The following CTNND1 variants were observed in gnomAD, a reference collection of about 807,000 sequenced individuals.
CTNND1 encodes catenin delta 1.
A neutral mutation model predicts 112.1 loss-of-function variants in CTNND1; 16 were observed. The ratio of observed to expected loss-of-function variants is 0.14; its 90% CI spans 0.10 to 0.22. The LOEUF is 0.22. Among genes scored for constraint, CTNND1 ranks in the 10% least tolerant of loss-of-function variants. CTNND1 has a pLI of 1.00. For missense variants in CTNND1, 1,008 were observed against 1,257.0 expected (o/e 0.80, Z 3.00); for synonymous variants, 420 against 446.5 (o/e 0.94, Z 0.75).
At chr11:57,806,696 C>G in intron 11 of CTNND1, 1 of 629,660 alleles carries the variant, frequency 1.6e-6, no homozygotes, top group East Asian at 2.7e-5. Flanking sequence ...ACAATAGCAT[C>G]AACAGTGGTC....
At chr11:57,765,447 G>T (rs920218086) in intron 1 of CTNND1, among the ~76,000 whole-genome samples, 1 of 148,978 alleles carries the variant, frequency 6.7e-6, no homozygotes, top group Non-Finnish European at 1.5e-5. Context: ...CCTTTTATGC[G>T]TCTCCTCCCT....
chr11:57,762,111 T>A lies in CTNND1; in HGVS notation c.-222T>A. 1 of 985,394 alleles carries A rather than the reference T, an allele frequency of 1.0e-6. No homozygotes were observed. Among genetic ancestry groups the A allele is most frequent in the Non-Finnish European group, 1.2e-6 (1 of 829,862 alleles). 61.0% of individuals were successfully genotyped at this position (985,394 alleles called of 1,614,324 possible). A position where few individuals can be genotyped will look rare whatever the true frequency, so the allele number is the denominator to read the frequency against. ...AAGGAGGATAAGCAAGTCGAATTTT[T>A]GTCTTACGGTAACCGGAGGGAATTA... is the stretch of plus-strand genomic sequence containing the variant. On this transcript the variant is annotated 5_prime_UTR_variant, in exon 1 of 21. Transcript: ENST00000399050.
chr11:57,767,119 G>A (rs909285055), intron 1 of CTNND1, among the ~76,000 whole-genome samples: 2 of 151,960 alleles, frequency 1.3e-5, no homozygotes, highest in Non-Finnish European at 1.5e-5. Flanking sequence ...CTACAGGTGC[G>A]CGCCACCACG....
intron 17 of CTNND1, 188 bp from the exon 18 acceptor site, chr11:57,814,123 T>C (rs1684748576): frequency 1.8e-6 from 1 of 553,276 alleles, no homozygotes. Flanking sequence ...CAGACCAGCC[T>C]GAGCAACATA....
At position 57,817,322 on chromosome 11, in the gene CTNND1, T is replaced by C. The variant is rs1043458637; in HGVS notation, c.*1014T>C. On this transcript the variant is annotated 3_prime_UTR_variant, in exon 21 of 21. Coordinates refer to ENST00000399050, the MANE Select transcript of CTNND1 (RefSeq NM_001085458.2). ...GGCAAACTAAAGGACTTGATGTACA[T>C]AACTCCTGTCCCTTTTCCCTTACAA... 1.3e-5 allele frequency: 2 copies of C among 152,774 alleles called. No individual in the cohort carries two copies. The highest frequency in any genetic ancestry group is 2.9e-5 in the Non-Finnish European group (2 of 68,150). 9.5% of individuals were successfully genotyped at this position (152,774 alleles called of 1,614,324 possible).
intron 17 of CTNND1, chr11:57,813,804 G>T (rs2063643663): frequency 6.6e-6 from 1 of 152,198 alleles, no homozygotes; most frequent in South Asian, 2.1e-4. Context: ...ATACAAAAAT[G>T]AAAAGGATGT....
In CTNND1 at chr11:57,771,381, G is replaced by A. The variant is rs1349910975; in HGVS notation, c.-214+9262G>A. On this transcript the variant is annotated intron_variant, in intron 1 of 20. Coordinates refer to ENST00000399050, the MANE Select transcript of CTNND1 (RefSeq NM_001085458.2). Reference sequence around the variant, plus strand: ...AGAAAAAAGTAAAGTAGAATGAGTAGTATGGAGGAAAGAACGTCTCAGGGT... The same window carrying A: ...AGAAAAAAGTAAAGTAGAATGAGTAATATGGAGGAAAGAACGTCTCAGGGT... Among the ~76,000 whole-genome samples, 4 of 152,220 alleles carry A rather than the reference G, an allele frequency of 2.6e-5. No homozygotes were observed. In the East Asian group the frequency reaches 7.7e-4, roughly 29 times the overall value.
Position 57,794,785 on chromosome 11 carries a change from C to CA in CTNND1, c.267+719dup, listed in dbSNP as rs777103502. On this transcript the variant is annotated intron_variant, in intron 4 of 20. Transcript: ENST00000399050. ...GGGCAACAAGAGCAAAACTCTGTCTCAAAAAAAAAAAAAAAGTTCTTTATT... is the reference window on the plus strand; with the variant it reads ...GGGCAACAAGAGCAAAACTCTGTCTCAAAAAAAAAAAAAAAAGTTCTTTATT... Among the ~76,000 whole-genome samples the CA allele has an allele frequency of 6.3e-3, 510 of 80,974 alleles. 1 individual carries two copies. The highest frequency in any genetic ancestry group is 0.015 in the African/African-American group (344 of 22,396). The allele number at this position is 80,974 out of a possible 152,430, so 53.1% of individuals were successfully genotyped here. A position where few individuals can be genotyped will look rare whatever the true frequency, so the allele number is the denominator to read the frequency against.
Position 57,803,610 on chromosome 11 carries a change from G to A in CTNND1, c.1421-11G>A. The A allele has an allele frequency of 6.2e-7, 1 of 1,600,846 alleles. No homozygotes were observed. Among genetic ancestry groups the A allele is most frequent in the Non-Finnish European group, 8.5e-7 (1 of 1,173,164 alleles). ...ATGCTCAAGAGCCATCTGATGAATT[G>A]TCTCTTCCAGGAACCCTGTGGAATC... is the stretch of plus-strand genomic sequence containing the variant. On this transcript the variant is annotated splice_polypyrimidine_tract_variant and intron_variant, in intron 7 of 20. Coordinates refer to ENST00000399050, the MANE Select transcript of CTNND1 (RefSeq NM_001085458.2).
At chr11:57,805,612 A>G (rs1462656337) in intron 9 of CTNND1, among the ~76,000 whole-genome samples, 4 of 151,978 alleles carry the variant, frequency 2.6e-5, no homozygotes, top group Non-Finnish European at 5.9e-5. Context: ...CCAAAATTGT[A>G]CATTGTCTAA....
At chr11:57,807,082 C>T (rs766470629) in intron 12 of CTNND1, 99 bp downstream of exon 12, 3 of 921,242 alleles carry the variant, frequency 3.3e-6, no homozygotes, top group Non-Finnish European at 3.4e-6. Flanking sequence ...CGTTTATTGT[C>T]CTCTCTTTTC....
chr11:57,799,012 A>T (rs546004794), intron 6 of CTNND1, among the ~76,000 whole-genome samples: 1 of 152,212 alleles, frequency 6.6e-6, no homozygotes, highest in Non-Finnish European at 1.5e-5. Flanking sequence ...GAATTTCTCT[A>T]TATGGGGTCA....
chr11:57,765,891 CCTGGTGCGGTGG>C (rs1247304567), intron 1 of CTNND1, among the ~76,000 whole-genome samples: 1 of 152,148 alleles, frequency 6.6e-6, no homozygotes, highest in Non-Finnish European at 1.5e-5. Context: ...AAGGATCTGG[CCTGGTGCGGTGG>C]CTCACGCCTG....
chr11:57,795,457 C>T lies in CTNND1; in HGVS notation c.268-120C>T, dbSNP rs1202701738. The stretch of plus-strand genomic sequence containing the variant: ...AGCCACCCATCTAAAAATCCTGAGG[C>T]CTATAGAAGATGCATGAGGAGTCCC... On this transcript the variant is annotated intron_variant, in intron 4 of 20. Coordinates refer to ENST00000399050, the MANE Select transcript of CTNND1 (RefSeq NM_001085458.2). The T allele has an allele frequency of 3.8e-6, 4 of 1,043,022 alleles. No individual in the cohort carries two copies. The East Asian group carries it at 1.1e-4, about 28-fold the overall frequency. 64.6% of individuals were successfully genotyped at this position (1,043,022 alleles called of 1,614,324 possible).
chr11:57,791,813 G>T, intron 3 of CTNND1, 140 bp downstream of exon 3: 1 of 893,792 alleles, frequency 1.1e-6, no homozygotes, highest in Non-Finnish European at 1.6e-6. Context: ...TTCCAGGGGT[G>T]TTAAATGCTG....
At chr11:57,778,344 T>C (rs1427397233) in intron 1 of CTNND1, among the ~76,000 whole-genome samples, 3 of 152,206 alleles carry the variant, frequency 2.0e-5, no homozygotes, top group Non-Finnish European at 4.4e-5. Flanking sequence ...AATGGGAATA[T>C]TCCATTGACT....
Position 57,762,126 on chromosome 11 carries a change from G to C in CTNND1, c.-214+7G>C. ...GTCGAATTTTTGTCTTACGGTAACC[G>C]GAGGGAATTAAAAAACGGGAGAGTC... On this transcript the variant is annotated splice_region_variant and intron_variant, in intron 1 of 20. Coordinates refer to ENST00000399050, the MANE Select transcript of CTNND1 (RefSeq NM_001085458.2). The C allele has an allele frequency of 1.0e-6, 1 of 983,598 alleles. No individual in the cohort carries two copies. The highest frequency in any genetic ancestry group is 1.2e-6 in the Non-Finnish European group (1 of 828,240). The allele number at this position is 983,598 out of a possible 1,614,324, so 60.9% of individuals were successfully genotyped here. A position where few individuals can be genotyped will look rare whatever the true frequency, so the allele number is the denominator to read the frequency against.
chr11:57,790,618 T>G (rs1408014318), intron 2 of CTNND1, among the ~76,000 whole-genome samples: 1 of 141,874 alleles, frequency 7.0e-6, no homozygotes, highest in African/African-American at 2.6e-5. Context: ...AGTGCAATAG[T>G]GCGATCTTGG....
intron 1 of CTNND1, among the ~76,000 whole-genome samples, chr11:57,764,445 A>G (rs1950603277): frequency 6.6e-6 from 1 of 152,210 alleles, no homozygotes; most frequent in African/African-American, 2.4e-5. Flanking sequence ...ATGAGATAGG[A>G]TGGATGCAAA....
Sources: allele counts gnomAD v4.1 joint callset (sites outside exome capture counted in the v4.1 genomes callset), GRCh38; gene constraint gnomAD v4.1.1; transcripts MANE v1.5; gene names NCBI Gene and HGNC (gene_info 2026-07-23, HGNC 2026-07-21).